The following APOBEC3D variants were observed in gnomAD, a reference collection of about 807,000 sequenced individuals.
APOBEC3D encodes DNA dC->dU-editing enzyme APOBEC-3D.
Under a neutral mutation model 45.6 loss-of-function variants are expected in APOBEC3D, and 37 were observed. The ratio of observed to expected loss-of-function variants is 0.81; its 90% CI spans 0.62 to 1.07. The LOEUF is 1.07. Among genes scored for constraint, APOBEC3D ranks in the 50% least tolerant of loss-of-function variants. The probability of loss-of-function intolerance (pLI) is 0.00; values close to 1 mark genes in which losing one functional copy is unlikely to be tolerated. For synonymous variants in APOBEC3D, 175 were observed against 180.7 expected (o/e 0.97, Z 0.25); for missense variants, 496 against 495.3 (o/e 1.00, Z -0.01).
In APOBEC3D at chr22:39,032,589, CTTTTTTTTTTTT is replaced by C. The variant is rs34108294; in HGVS notation, c.*284_*295del. The C allele has an allele frequency of 1.4e-6, 1 of 736,222 alleles. No homozygotes were observed. Among genetic ancestry groups the C allele is most frequent in the African/African-American group, 3.0e-5 (1 of 32,948 alleles). 45.6% of individuals were successfully genotyped at this position (736,222 alleles called of 1,614,324 possible). A position where few individuals can be genotyped will look rare whatever the true frequency, so the allele number is the denominator to read the frequency against. On this transcript the variant is annotated 3_prime_UTR_variant, in exon 7 of 7. Coordinates refer to ENST00000216099, the MANE Select transcript of APOBEC3D (RefSeq NM_152426.4). Reference sequence around the variant, plus strand: ...TCCCATCTCCCCAGCATAACCAAATCTTTTTTTTTTTTTTTTTTTTTTGAGACGGAGTTTCAC... The same window carrying C: ...TCCCATCTCCCCAGCATAACCAAATCTTTTTTTTTTGAGACGGAGTTTCAC...
At chr22:39,022,001 C>T (rs749358510) in intron 1 of APOBEC3D, among the ~76,000 whole-genome samples, 9 of 152,180 alleles carry the variant, frequency 5.9e-5, no homozygotes, top group Non-Finnish European at 1.2e-4. Context: ...CTCTGAAGCA[C>T]AAGATAAATC....
chr22:39,029,356 C>T lies in APOBEC3D; in HGVS notation c.606-7C>T. ...TCTGCACTGGGGTTTCTCTCTTGTG[C>T]CCTCAGAAACCCGATGGAGGCAATG... On this transcript the variant is annotated splice_region_variant and splice_polypyrimidine_tract_variant and intron_variant, in intron 4 of 6. Coordinates refer to ENST00000216099, the MANE Select transcript of APOBEC3D (RefSeq NM_152426.4). The T allele has an allele frequency of 6.2e-7, 1 of 1,613,916 alleles. No homozygotes were observed. Among genetic ancestry groups the T allele is most frequent in the South Asian group, 1.1e-5 (1 of 91,052 alleles).
chr22:39,032,168 C>T, intron 6 of APOBEC3D, 30 bp from the exon 7 acceptor site: 1 of 1,610,702 alleles, frequency 6.2e-7, no homozygotes, highest in Non-Finnish European at 8.5e-7. Flanking sequence ...TTGCTGGGCC[C>T]TCACTGCTTT....
At chr22:39,027,030 A>G (rs1400522599) in intron 4 of APOBEC3D, among the ~76,000 whole-genome samples, 6 of 152,294 alleles carry the variant, frequency 3.9e-5, no homozygotes, top group African/African-American at 1.2e-4. Context: ...GGAGCTCTCC[A>G]GGAAGCACAA....
rs983307022 is a variant in APOBEC3D at position 39,021,399 on chromosome 22, C to G, written c.-121C>G. 6.9e-7 allele frequency: 1 copy of G among 1,444,388 alleles called. No individual in the cohort carries two copies. The highest frequency in any genetic ancestry group is 1.4e-5 in the African/African-American group (1 of 70,998). 89.5% of individuals were successfully genotyped at this position (1,444,388 alleles called of 1,614,324 possible). On this transcript the variant is annotated 5_prime_UTR_variant, in exon 1 of 7. Transcript: ENST00000216099. ...GGGATTACAGGCGTGAGCCACCGTG[C>G]CCGGCCGGGAGGTCACTTTAAGGAG...
At position 39,032,344 on chromosome 22, in the gene APOBEC3D, C is replaced by T. The variant is rs1242295663; in HGVS notation, c.*28C>T. ...GGTCTCCCTGGGCCTCATGGTCTGT[C>T]TCTTCTAGCCTCCTGCTCATGCTGC... is the stretch of plus-strand genomic sequence containing the variant. On this transcript the variant is annotated 3_prime_UTR_variant, in exon 7 of 7. Transcript: ENST00000216099. 3 of 1,611,204 alleles carry T rather than the reference C, an allele frequency of 1.9e-6. No homozygotes were observed. The highest frequency in any genetic ancestry group is 2.5e-6 in the Non-Finnish European group (3 of 1,178,682).
chr22:39,025,650 G>C lies in APOBEC3D; in HGVS notation c.584G>C (p.Arg195Pro). The change falls in exon 4 of 7, where the codon CGC becomes CCC. Residue 195 changes from arginine to proline, a missense_variant. By Grantham distance (103) the Arg-to-Pro change is moderately radical. Coordinates refer to ENST00000216099, the MANE Select transcript of APOBEC3D (RefSeq NM_152426.4). Reference protein sequence around the residue: ...KFDDNYASLHRTLKEILRNPM... With the variant: ...KFDDNYASLHPTLKEILRNPM... ...GATGACAATTATGCATCCCTGCACC[G>C]CACGCTAAAGGAGATTCTCAGGTGA... 6.2e-7 allele frequency: 1 copy of C among 1,614,054 alleles called. No individual in the cohort carries two copies. Among genetic ancestry groups the C allele is most frequent in the Non-Finnish European group, 8.5e-7 (1 of 1,179,988 alleles).
intron 2 of APOBEC3D, among the ~76,000 whole-genome samples, 191 bp from the exon 3 acceptor site, chr22:39,024,879 A>G (rs1331142810): frequency 2.0e-5 from 3 of 152,140 alleles, no homozygotes. Context: ...TAAGGCCAGT[A>G]CCATAGCAAT....
rs542855625 is a variant in APOBEC3D at position 39,028,959 on chromosome 22, C to T, written c.606-404C>T. ...AAAATAAATAAATTCGCTGTGATCC[C>T]GATATAAAAATAATCATCATCATCA... On this transcript the variant is annotated intron_variant, in intron 4 of 6. Coordinates refer to ENST00000216099, the MANE Select transcript of APOBEC3D (RefSeq NM_152426.4). Among the ~76,000 whole-genome samples, 27 of 151,960 alleles carry T rather than the reference C, an allele frequency of 1.8e-4. No homozygotes were observed. The South Asian group carries it at 4.0e-3, about 22-fold the overall frequency.
chr22:39,022,652 C>T (rs546214837), intron 1 of APOBEC3D, among the ~76,000 whole-genome samples, 170 bp from the exon 2 acceptor site: 1 of 152,280 alleles, frequency 6.6e-6, no homozygotes, highest in East Asian at 1.9e-4. Flanking sequence ...GCATCCCCTC[C>T]TCTTCCTCTC....
Position 39,022,960 on chromosome 22 carries a change from A to C in APOBEC3D, c.156A>C (p.Thr52=). Residue 52 remains threonine, a synonymous_variant, in exon 2 of 7, where the codon ACA becomes ACC. Transcript: ENST00000216099. ...GCCGCTCAAATCTCCTTTGGGACAC[A>C]GGGGTCTTTCGAGGCCCGGTACTAC... ...KRGRSNLLWD[T]GVFRGPVLPK... 2 of 1,613,812 alleles carry C rather than the reference A, an allele frequency of 1.2e-6. No individual in the cohort carries two copies. Among genetic ancestry groups the C allele is most frequent in the Non-Finnish European group, 1.7e-6 (2 of 1,179,888 alleles).
rs1236853734 is a variant in APOBEC3D at position 39,021,477 on chromosome 22, A to C, written c.-43A>C. 1.2e-5 allele frequency: 20 copies of C among 1,614,016 alleles called. No individual in the cohort carries two copies. Among genetic ancestry groups the C allele is most frequent in the Non-Finnish European group, 1.7e-5 (20 of 1,179,988 alleles). Reference sequence around the variant, plus strand: ...CAGGAAGTGAAACCACAGCACTTCAAAAAAAGAGGGAGACTGGGACAAGCG... The same window carrying C: ...CAGGAAGTGAAACCACAGCACTTCACAAAAAGAGGGAGACTGGGACAAGCG... On this transcript the variant is annotated 5_prime_UTR_variant, in exon 1 of 7. Transcript: ENST00000216099.
chr22:39,031,674 T>A lies in APOBEC3D; in HGVS notation c.763-20T>A. 4 of 1,577,410 alleles carry A rather than the reference T, an allele frequency of 2.5e-6. No homozygotes were observed. Among genetic ancestry groups the A allele is most frequent in the African/African-American group, 1.3e-5 (1 of 74,360 alleles). ...CTCCTGGTCTGAGCTCCCCCTGCCC[T>A]CCTCCTCCTCCTTCCCCAGGTGGAT... On this transcript the variant is annotated intron_variant, in intron 5 of 6. Transcript: ENST00000216099.
chr22:39,023,042 A>G (rs777895886), intron 2 of APOBEC3D, 28 bp downstream of exon 2: 7 of 1,515,136 alleles, frequency 4.6e-6, no homozygotes, highest in Admixed American at 2.1e-5. Flanking sequence ...CAGAAAACAC[A>G]TAAGTAAAAT....
intron 5 of APOBEC3D, among the ~76,000 whole-genome samples, chr22:39,029,893 G>A (rs1601471706): frequency 1.3e-5 from 2 of 152,366 alleles, no homozygotes; most frequent in African/African-American, 4.8e-5. Context: ...TTACAGGCAT[G>A]AGCCACCACG....
chr22:39,027,697 G>A (rs1424355040), intron 4 of APOBEC3D, among the ~76,000 whole-genome samples: 1 of 152,188 alleles, frequency 6.6e-6, no homozygotes, highest in Admixed American at 6.5e-5. Flanking sequence ...TTCCTGCCTG[G>A]TGGCCCTGCT....
intron 4 of APOBEC3D, among the ~76,000 whole-genome samples, chr22:39,028,699 G>A (rs1308716263): frequency 6.6e-6 from 1 of 152,178 alleles, no homozygotes; most frequent in Non-Finnish European, 1.5e-5. Flanking sequence ...ACTTTGGTAG[G>A]CCGAGGTGGG....
chr22:39,031,416 A>G (rs1484507628), intron 5 of APOBEC3D, among the ~76,000 whole-genome samples: 1 of 152,152 alleles, frequency 6.6e-6, no homozygotes, highest in Non-Finnish European at 1.5e-5. Context: ...AAAATTACAA[A>G]AAAATTAGCC....
At chr22:39,021,865 G>A (rs1473200548) in intron 1 of APOBEC3D, among the ~76,000 whole-genome samples, 1 of 152,202 alleles carries the variant, frequency 6.6e-6, no homozygotes, top group African/African-American at 2.4e-5. Context: ...TCAGGAACTG[G>A]GAGAATTGAA....
Sources: gnomAD v4.1 joint callset for allele counts (sites outside exome capture counted in the v4.1 genomes callset) on GRCh38, gnomAD v4.1.1 for gene constraint, MANE v1.5 for transcripts, NCBI Gene and HGNC (gene_info 2026-07-23, HGNC 2026-07-21) for gene names.